CELF5: variants seen among roughly 807,000 people sequenced by gnomAD.
The protein encoded by CELF5 is CUG-BP and ETR-3 like factor 5.
A neutral mutation model predicts 54.9 loss-of-function variants in CELF5; 6 were observed. The ratio of observed to expected loss-of-function variants is 0.11; its 90% confidence interval spans 0.06 to 0.22. The LOEUF (loss-of-function observed/expected upper bound fraction) is 0.22, where lower values mean the gene tolerates loss of function less well. Among genes scored for constraint, CELF5 ranks in the 10% least tolerant of loss-of-function variants. The pLI, the probability that CELF5 is intolerant of heterozygous loss-of-function variation, is 1.00. For synonymous variants in CELF5, 271 were observed against 290.9 expected, an observed-to-expected ratio of 0.93 and a Z score of 0.70; for missense variants, 401 against 678.6, an observed-to-expected ratio of 0.59 and a Z score of 4.54.
intron 2 of CELF5, among the ~76,000 whole-genome samples, chr19:3,259,775 C>A (rs1322706640): frequency 1.3e-5 from 2 of 148,638 alleles, no homozygotes; most frequent in Admixed American, 1.3e-4. Context: ...GTTGTCACGA[C>A]GTGGGGGTGC....
intron 1 of CELF5, among the ~76,000 whole-genome samples, chr19:3,244,811 T>C (rs537030378): frequency 6.7e-6 from 1 of 148,816 alleles, no homozygotes; most frequent in Admixed American, 6.7e-5. Flanking sequence ...TCTTGTCTGG[T>C]ATATGTGTGC....
At chr19:3,238,913 C>T (rs1217070376) in intron 1 of CELF5, among the ~76,000 whole-genome samples, 2 of 151,932 alleles carry the variant, frequency 1.3e-5, no homozygotes, top group African/African-American at 4.8e-5. Context: ...GGCAACAAAG[C>T]GAGACTCCAT....
At chr19:3,248,906 C>CTTCCTT (rs1156318823) in intron 1 of CELF5, among the ~76,000 whole-genome samples, 5 of 113,484 alleles carry the variant, frequency 4.4e-5, no homozygotes, top group African/African-American at 1.6e-4. Flanking sequence ...TCCTTCCTTC[C>CTTCCTT]TTTCTTTCTT....
At chr19:3,283,325 TCTAA>T (rs1167361422) in intron 8 of CELF5, among the ~76,000 whole-genome samples, 4 of 152,300 alleles carry the variant, frequency 2.6e-5, no homozygotes, top group South Asian at 4.1e-4. Context: ...AGAATTTGTT[TCTAA>T]CTTTTTATTT....
Position 3,285,937 on chromosome 19 carries a change from C to T in CELF5, c.1103-5C>T, listed in dbSNP as rs781228560. On this transcript the variant is annotated splice_polypyrimidine_tract_variant and splice_region_variant and intron_variant, in intron 9 of 12. Coordinates refer to ENST00000292672, the MANE Select transcript of CELF5 (RefSeq NM_021938.4). Reference sequence around the variant, plus strand: ...TCGCCCTGTGTCTCGCTCCGGTCTCCGCAGCCATGTACCCCACCGCGGCCA... The same window carrying T: ...TCGCCCTGTGTCTCGCTCCGGTCTCTGCAGCCATGTACCCCACCGCGGCCA... 2.4e-5 allele frequency: 37 copies of T among 1,573,854 alleles called. No individual in the cohort carries two copies. The highest frequency in any genetic ancestry group is 2.8e-5 in the Non-Finnish European group (33 of 1,166,994).
intron 12 of CELF5, chr19:3,294,272 C>T (rs1462446711): frequency 6.6e-6 from 1 of 152,150 alleles, no homozygotes; most frequent in Admixed American, 6.5e-5. Context: ...TGATGAGCCT[C>T]ATCTGTAAAA....
chr19:3,258,023 C>T (rs2079755817), intron 2 of CELF5, among the ~76,000 whole-genome samples: 1 of 151,352 alleles, frequency 6.6e-6, no homozygotes, highest in African/African-American at 2.4e-5. Context: ...TGCAATGGCA[C>T]GATCTGTGCT....
chr19:3,256,578 T>TTAA (rs2079730880), intron 2 of CELF5, among the ~76,000 whole-genome samples: 1 of 148,428 alleles, frequency 6.7e-6, no homozygotes, highest in African/African-American at 2.5e-5. Context: ...TTATTATTAA[T>TTAA]TTTTTTTTGA....
chr19:3,272,308 G>A, intron 2 of CELF5, among the ~76,000 whole-genome samples: 1 of 151,812 alleles, frequency 6.6e-6, no homozygotes, highest in Admixed American at 6.6e-5. Context: ...GGTGGAGGCT[G>A]CAGTAAGCCG....
intron 2 of CELF5, among the ~76,000 whole-genome samples, chr19:3,271,169 G>A (rs982113647): frequency 7.9e-5 from 12 of 151,346 alleles, no homozygotes; most frequent in African/African-American, 2.9e-4. Flanking sequence ...GGGGGGAGGA[G>A]GTGAGGGCCA....
At chr19:3,290,395 C>A (rs1441711421) in intron 11 of CELF5, 21 bp downstream of exon 11, 4 of 1,610,394 alleles carry the variant, frequency 2.5e-6, no homozygotes, top group East Asian at 2.2e-5. Context: ...GCCGACGCCA[C>A]CCCTCCCCAT....
chr19:3,260,401 G>T (rs1365029511), intron 2 of CELF5, among the ~76,000 whole-genome samples: 1 of 152,052 alleles, frequency 6.6e-6, no homozygotes, highest in Admixed American at 6.5e-5. Flanking sequence ...CTCCCAAAAT[G>T]CTGGGATTAC....
intron 2 of CELF5, among the ~76,000 whole-genome samples, chr19:3,252,470 C>A (rs1324211310): frequency 6.6e-6 from 1 of 152,158 alleles, no homozygotes; most frequent in Non-Finnish European, 1.5e-5. Flanking sequence ...ACTGAAGGAA[C>A]CACAGTGAGC....
At chr19:3,270,164 T>C (rs1393533118) in intron 2 of CELF5, among the ~76,000 whole-genome samples, 1 of 150,878 alleles carries the variant, frequency 6.6e-6, no homozygotes, top group Non-Finnish European at 1.5e-5. Context: ...GGAGAGTTTG[T>C]GTCTGGCTCT....
intron 1 of CELF5, among the ~76,000 whole-genome samples, chr19:3,229,335 C>T (rs1311627302): frequency 6.6e-6 from 1 of 152,152 alleles, no homozygotes. Flanking sequence ...ATCCCTACCC[C>T]CCATCCAGAC....
At chr19:3,260,252 G>A (rs1054013609) in intron 2 of CELF5, among the ~76,000 whole-genome samples, 2 of 151,842 alleles carry the variant, frequency 1.3e-5, no homozygotes, top group Non-Finnish European at 2.9e-5. Context: ...AAGTAGCTGG[G>A]ATCATGGGCA....
chr19:3,277,132 C>T (rs990064618), intron 4 of CELF5, among the ~76,000 whole-genome samples: 1 of 152,180 alleles, frequency 6.6e-6, no homozygotes, highest in South Asian at 2.1e-4. Flanking sequence ...TCTTACCTTA[C>T]TAGAACTGAA....
chr19:3,243,311 C>T (rs1370661390), intron 1 of CELF5, among the ~76,000 whole-genome samples: 1 of 151,934 alleles, frequency 6.6e-6, no homozygotes, highest in Non-Finnish European at 1.5e-5. Flanking sequence ...GTCGCAAAAC[C>T]TTGGCTGGAG....
At chr19:3,251,652 C>CTTTTTTTTTTTTTTTTTTT (rs1195812856) in intron 2 of CELF5, among the ~76,000 whole-genome samples, 13 of 67,112 alleles carry the variant, frequency 1.9e-4, no homozygotes, top group South Asian at 5.9e-4. Flanking sequence ...ACAAGGGCTT[C>CTTTTTTTTTTTTTTTTTTT]TTTTTTTTTT....
Sources: gnomAD v4.1 joint callset for allele counts (sites outside exome capture counted in the v4.1 genomes callset) on GRCh38, gnomAD v4.1.1 for gene constraint, MANE v1.5 for transcripts, NCBI Gene and HGNC (gene_info 2026-07-23, HGNC 2026-07-21) for gene names.